The following SEM1 variants were observed in gnomAD, a reference collection of about 807,000 sequenced individuals.
SEM1 encodes 26S proteasome complex subunit SEM1.
Under a neutral mutation model 12.7 loss-of-function variants are expected in SEM1, and 3 were observed. The ratio of observed to expected loss-of-function variants is 0.24; its 90% CI spans 0.11 to 0.61. The LOEUF is 0.61. Ranked by LOEUF, SEM1 falls within the 20% of genes least tolerant of loss-of-function variation. SEM1 has a pLI of 0.88. For synonymous variants in SEM1, 30 were observed against 27.8 expected (o/e 1.08, Z -0.25); for missense variants, 59 against 81.3 (o/e 0.73, Z 1.06).
chr7:96,567,124 C>G (rs1805865272), intron 2 of SEM1, among the ~76,000 whole-genome samples: 1 of 151,578 alleles, frequency 6.6e-6, no homozygotes, highest in South Asian at 2.1e-4. Context: ...GAAGTAATTT[C>G]ATTGGAATAA....
chr7:96,545,825 AC>A (rs1211641272), intron 2 of SEM1, among the ~76,000 whole-genome samples: 1 of 152,066 alleles, frequency 6.6e-6, no homozygotes, highest in Admixed American at 6.6e-5. Context: ...TTGAGTCTGG[AC>A]AATAGATATA....
chr7:96,650,377 G>C, intron 2 of SEM1: 2 of 615,624 alleles, frequency 3.2e-6, no homozygotes, highest in Non-Finnish European at 5.8e-6. Context: ...CTCTGAAAGG[G>C]AACAGGTTCC....
chr7:96,524,862 T>C (rs1283015856), intron 2 of SEM1, among the ~76,000 whole-genome samples: 4 of 152,180 alleles, frequency 2.6e-5, no homozygotes, highest in Non-Finnish European at 5.9e-5. Context: ...CACAGATTTA[T>C]ACCAAGTTGT....
chr7:96,642,244 G>T lies in SEM1; in HGVS notation c.171-19601C>A, dbSNP rs189974178. Reference sequence around the variant, plus strand: ...GATCCACTGACTTGTAGATTACAGAGAAGAAGGTTGAAGACACCTGTTTTA... The same window carrying T: ...GATCCACTGACTTGTAGATTACAGATAAGAAGGTTGAAGACACCTGTTTTA... On this transcript the variant is annotated intron_variant, in intron 2 of 2. Transcript: ENST00000417009. 8.5e-5 allele frequency among the ~76,000 whole-genome samples: 13 copies of T among 152,116 alleles called. No homozygotes were observed. The East Asian group carries it at 2.5e-3, about 29-fold the overall frequency.
chr7:96,708,656 C>T (rs1584879330), intron 1 of SEM1, among the ~76,000 whole-genome samples: 1 of 152,322 alleles, frequency 6.6e-6, no homozygotes, highest in South Asian at 2.1e-4. Flanking sequence ...CAAACAGAAG[C>T]AGTACAGCTG....
chr7:96,658,874 C>T (rs1414698657), intron 2 of SEM1, among the ~76,000 whole-genome samples: 1 of 152,136 alleles, frequency 6.6e-6, no homozygotes, highest in African/African-American at 2.4e-5. Flanking sequence ...TAAAACCCAA[C>T]CCTGATCCCT....
intron 2 of SEM1, among the ~76,000 whole-genome samples, chr7:96,646,353 A>G (rs935837636): frequency 2.0e-5 from 3 of 152,162 alleles, no homozygotes; most frequent in African/African-American, 4.8e-5. Flanking sequence ...TTAACTACTT[A>G]GTTTATCCAA....
chr7:96,689,649 C>T (rs1385518288), intron 2 of SEM1, among the ~76,000 whole-genome samples: 1 of 152,148 alleles, frequency 6.6e-6, no homozygotes, highest in Non-Finnish European at 1.5e-5. Flanking sequence ...AACACATGAC[C>T]GGAATAATGT....
At chr7:96,670,769 A>G (rs1207767963), downstream of SEM1, among the ~76,000 whole-genome samples, 1 of 152,214 alleles carries the variant, frequency 6.6e-6, no homozygotes, top group Non-Finnish European at 1.5e-5. Flanking sequence ...TGAGAGCTTA[A>G]TCTGCAAGGA....
chr7:96,545,531 C>T (rs1805079706), intron 2 of SEM1, among the ~76,000 whole-genome samples: 3 of 152,012 alleles, frequency 2.0e-5, no homozygotes, highest in African/African-American at 7.2e-5. Flanking sequence ...TTGGCTAGCA[C>T]TAAGTTTTAT....
At chr7:96,483,156 T>C (rs1205822707) in exon 4 of SEM1, 3 of 152,250 alleles carry the variant, frequency 2.0e-5, no homozygotes, top group Admixed American at 6.5e-5. Context: ...TGAATTTTCA[T>C]TTAAATTTAA....
intron 2 of SEM1, among the ~76,000 whole-genome samples, chr7:96,541,443 G>GTTTTTTTTTT (rs61049763): frequency 1.2e-4 from 12 of 102,394 alleles, no homozygotes; most frequent in South Asian, 3.4e-4. Context: ...TTTTTTTTTT[G>GTTTTTTTTTT]TTTTTTTTTT....
intron 2 of SEM1, among the ~76,000 whole-genome samples, chr7:96,512,166 A>C (rs1319426135): frequency 1.3e-5 from 2 of 152,118 alleles, no homozygotes; most frequent in Non-Finnish European, 1.5e-5. Flanking sequence ...CTCCAAGCCC[A>C]GGATCACCAT....
chr7:96,616,388 T>C (rs1410462745), intron 2 of SEM1, among the ~76,000 whole-genome samples: 1 of 152,162 alleles, frequency 6.6e-6, no homozygotes, highest in East Asian at 1.9e-4. Flanking sequence ...ACAATGGTTT[T>C]TTTTCAGTGT....
At chr7:96,580,944 C>G (rs1262381344) in intron 2 of SEM1, among the ~76,000 whole-genome samples, 2 of 152,230 alleles carry the variant, frequency 1.3e-5, no homozygotes, top group Non-Finnish European at 2.9e-5. Flanking sequence ...ATGGTAGTTT[C>G]TTTTGCTGTG....
downstream of SEM1, among the ~76,000 whole-genome samples, chr7:96,686,721 G>A (rs930166111): frequency 5.3e-5 from 8 of 152,078 alleles, no homozygotes; most frequent in African/African-American, 1.9e-4. Context: ...TCAGGACATA[G>A]GCATGGGCAA....
intron 2 of SEM1, among the ~76,000 whole-genome samples, chr7:96,485,968 A>G (rs1211564564): frequency 6.6e-6 from 1 of 152,110 alleles, no homozygotes; most frequent in Non-Finnish European, 1.5e-5. Flanking sequence ...TTAGCTTACC[A>G]CAGCCACCAA....
chr7:96,541,762 A>AT lies in SEM1; in HGVS notation c.171-35065dup, dbSNP rs531945227. On this transcript the variant is annotated intron_variant and NMD_transcript_variant, in intron 2 of 3. Transcript: ENST00000466986. ...TAAACCTGCAATCTATCTTGAGCTA[A>AT]TTTTTTTATATGGTAAAAGGTAGGT... Among the ~76,000 whole-genome samples the AT allele has an allele frequency of 9.9e-5, 15 of 151,554 alleles. No individual in the cohort carries two copies. The South Asian group carries it at 3.1e-3, about 31-fold the overall frequency.
intron 2 of SEM1, among the ~76,000 whole-genome samples, chr7:96,681,524 C>T (rs933901298): frequency 5.3e-5 from 8 of 152,056 alleles, no homozygotes; most frequent in East Asian, 1.9e-4. Flanking sequence ...TTAGGTCTTA[C>T]GTTTAAGTCT....
Sources: gnomAD v4.1 joint callset for allele counts (sites outside exome capture counted in the v4.1 genomes callset) on GRCh38, gnomAD v4.1.1 for gene constraint, MANE v1.5 for transcripts, NCBI Gene and HGNC (gene_info 2026-07-23, HGNC 2026-07-21) for gene names.